RAMP3: variants seen among roughly 807,000 people sequenced by gnomAD.
The protein encoded by RAMP3 is receptor activity modifying protein 3.
In RAMP3, 14 loss-of-function variants were observed where a neutral mutation model predicts 13.5. The ratio of observed to expected loss-of-function variants is 1.04; its 90% CI spans 0.69 to 1.63. The LOEUF (loss-of-function observed/expected upper bound fraction) is 1.63. RAMP3 is among the 40% of genes most tolerant of loss of function. The pLI is 0.00. For synonymous variants in RAMP3, 106 were observed against 88.3 expected (o/e 1.20, Z -1.12); for missense variants, 200 against 204.8 (o/e 0.98, Z 0.14).
At position 45,183,369 on chromosome 7, in the gene RAMP3, G is replaced by A. The variant is rs144011541; in HGVS notation, c.404G>A (p.Gly135Asp). The A allele has an allele frequency of 2.5e-6, 4 of 1,613,572 alleles. No individual in the cohort carries two copies. The highest frequency in any genetic ancestry group is 3.4e-6 in the Non-Finnish European group (4 of 1,180,034). ...GTCGTTCTGACTGTCGCCATGGCTGGCCTGGTGGTGTGGCGCAGCAAACGC... is the reference window on the plus strand; with the variant it reads ...GTCGTTCTGACTGTCGCCATGGCTGACCTGGTGGTGTGGCGCAGCAAACGC... ...IPVVLTVAMA[G>D]LVVWRSKRTD... The change falls in exon 3 of 3, where the codon GGC becomes GAC. Residue 135 changes from glycine (G) to aspartate (D), a missense_variant. Gly to Asp is a moderately conservative substitution (Grantham distance 94). Transcript: ENST00000242249.
Position 45,177,427 on chromosome 7 carries a change from G to A in RAMP3, c.177G>A (p.Leu59=). The change falls in exon 2 of 3, where the codon CTG becomes CTA. Residue 59 remains leucine (L), a synonymous_variant. Transcript: ENST00000242249. ...GKVDVWKWCN[L]SEFIVYYESF... ...TGGACGTCTGGAAGTGGTGCAACCT[G>A]TCCGAGTTCATCGTGTGAGTGCCAC... 1 of 1,614,082 alleles carries A rather than the reference G, an allele frequency of 6.2e-7. No individual in the cohort carries two copies. The highest frequency in any genetic ancestry group is 8.5e-7 in the Non-Finnish European group (1 of 1,179,958).
intron 1 of RAMP3, among the ~76,000 whole-genome samples, chr7:45,174,206 A>G (rs1266688926): frequency 6.6e-6 from 1 of 152,112 alleles, no homozygotes; most frequent in African/African-American, 2.4e-5. Flanking sequence ...CCTGGGAGAC[A>G]CTTAACCTTT....
chr7:45,164,550 G>A (rs991452992), intron 1 of RAMP3, among the ~76,000 whole-genome samples: 1 of 149,490 alleles, frequency 6.7e-6, no homozygotes, highest in Admixed American at 6.6e-5. Flanking sequence ...AAAAAAAAAA[G>A]AATTCTCCAA....
intron 1 of RAMP3, among the ~76,000 whole-genome samples, chr7:45,160,968 G>A (rs1226963786): frequency 9.2e-5 from 14 of 152,212 alleles, no homozygotes; most frequent in Admixed American, 9.2e-4. Context: ...CTAGAAATGA[G>A]CTCCCTGGGG....
chr7:45,160,602 C>G (rs559139634), intron 1 of RAMP3, among the ~76,000 whole-genome samples: 8 of 152,114 alleles, frequency 5.3e-5, no homozygotes, highest in South Asian at 2.1e-4. Flanking sequence ...CCAGTCTCGT[C>G]GATGCTCTTT....
chr7:45,178,183 G>C (rs1217341235), intron 2 of RAMP3, among the ~76,000 whole-genome samples: 2 of 152,148 alleles, frequency 1.3e-5, no homozygotes, highest in South Asian at 4.1e-4. Flanking sequence ...GTGGTCAGAG[G>C]ACTTAGAGGA....
intron 1 of RAMP3, among the ~76,000 whole-genome samples, chr7:45,161,270 T>A (rs1785860882): frequency 6.6e-6 from 1 of 151,972 alleles, no homozygotes; most frequent in Non-Finnish European, 1.5e-5. Flanking sequence ...TGGGTGGGTA[T>A]TTGTAGAGCC....
At chr7:45,174,661 G>T (rs1786145620) in intron 1 of RAMP3, among the ~76,000 whole-genome samples, 1 of 152,232 alleles carries the variant, frequency 6.6e-6, no homozygotes, top group Admixed American at 6.5e-5. Flanking sequence ...TCTGACTGTG[G>T]CTGCCTGTAT....
At chr7:45,157,976 GC>G (rs906747505) in intron 1 of RAMP3, 90 bp downstream of exon 1, 1 of 1,214,286 alleles carries the variant, frequency 8.2e-7, no homozygotes, top group Non-Finnish European at 1.1e-6. Flanking sequence ...CACCTGCGCC[GC>G]GGTCCTTCCC....
chr7:45,166,483 C>T (rs1276663753), intron 1 of RAMP3, among the ~76,000 whole-genome samples: 1 of 152,194 alleles, frequency 6.6e-6, no homozygotes, highest in Middle Eastern at 3.4e-3. Flanking sequence ...TATTCATATC[C>T]TTTGCCCATT....
At chr7:45,158,938 A>G (rs1174932808) in intron 1 of RAMP3, among the ~76,000 whole-genome samples, 2 of 152,198 alleles carry the variant, frequency 1.3e-5, no homozygotes, top group East Asian at 1.9e-4. Context: ...TGAAATCAGG[A>G]GCATGCTGAT....
chr7:45,182,529 C>T (rs1277816320), intron 2 of RAMP3, among the ~76,000 whole-genome samples: 1 of 152,158 alleles, frequency 6.6e-6, no homozygotes, highest in East Asian at 1.9e-4. Context: ...TTGCTGAGTG[C>T]CCTTCCCATC....
At position 45,157,842 on chromosome 7, in the gene RAMP3, C is replaced by T; in HGVS notation, c.14C>T (p.Ala5Val). ...GGCCGGCCAGCCATGGAGACTGGAG[C>T]GCTGCGGCGCCCGCAACTTCTCCCG... METGALRRPQLLPLL... is the reference protein window; with the variant it reads METGVLRRPQLLPLL... Residue 5 changes from alanine to valine, a missense_variant, in exon 1 of 3, where the codon GCG becomes GTG. By Grantham distance (64) the Ala-to-Val change is moderately conservative. Transcript: ENST00000242249. The T allele has an allele frequency of 7.0e-7, 1 of 1,428,172 alleles. No homozygotes were observed. Among genetic ancestry groups the T allele is most frequent in the Non-Finnish European group, 9.1e-7 (1 of 1,099,884 alleles). The allele number at this position is 1,428,172 out of a possible 1,614,324, so 88.5% of individuals were successfully genotyped here. A position where few individuals can be genotyped will look rare whatever the true frequency, so the allele number is the denominator to read the frequency against.
chr7:45,163,401 A>G, intron 1 of RAMP3: 10 of 985,434 alleles, frequency 1.0e-5, no homozygotes, highest in Non-Finnish European at 1.1e-5. Flanking sequence ...GAGCTGTGCT[A>G]CAAGAGAACC....
intron 1 of RAMP3, among the ~76,000 whole-genome samples, chr7:45,173,412 TG>T (rs903325112): frequency 3.9e-4 from 59 of 152,334 alleles, no homozygotes; most frequent in Middle Eastern, 6.8e-3. Flanking sequence ...GTCAGGACCC[TG>T]GGCTATTGTC....
intron 1 of RAMP3, among the ~76,000 whole-genome samples, chr7:45,175,062 G>A (rs1231404057): frequency 6.6e-6 from 1 of 152,194 alleles, no homozygotes; most frequent in Non-Finnish European, 1.5e-5. Flanking sequence ...TGGCCTTTCT[G>A]TGAAGAGAGG....
At chr7:45,181,602 G>A (rs966245490) in intron 2 of RAMP3, among the ~76,000 whole-genome samples, 3 of 152,224 alleles carry the variant, frequency 2.0e-5, no homozygotes, top group African/African-American at 7.2e-5. Flanking sequence ...TTCTGAAGGT[G>A]AAGGCTGTTG....
chr7:45,158,053 T>C (rs925886394), intron 1 of RAMP3, among the ~76,000 whole-genome samples, 167 bp downstream of exon 1: 1 of 152,200 alleles, frequency 6.6e-6, no homozygotes, highest in Non-Finnish European at 1.5e-5. Flanking sequence ...GCGGGAGGGT[T>C]CCACCCGGGA....
At chr7:45,181,519 G>A (rs577114132) in intron 2 of RAMP3, among the ~76,000 whole-genome samples, 73 of 152,346 alleles carry the variant, frequency 4.8e-4, no homozygotes, top group African/African-American at 1.6e-3. Context: ...CTGGGTAGCA[G>A]TTCAGTGGAA....
Sources: allele counts gnomAD v4.1 joint callset (sites outside exome capture counted in the v4.1 genomes callset), GRCh38; gene constraint gnomAD v4.1.1; transcripts MANE v1.5; gene names NCBI Gene and HGNC (gene_info 2026-07-23, HGNC 2026-07-21).